The following CNTN5 variants were observed in gnomAD, a reference collection of about 807,000 sequenced individuals.
CNTN5 encodes contactin 5.
Under a neutral mutation model 129.1 loss-of-function variants are expected in CNTN5, and 77 were observed. The ratio of observed to expected loss-of-function variants is 0.60; its 90% confidence interval spans 0.50 to 0.72. The LOEUF (loss-of-function observed/expected upper bound fraction) is 0.72. CNTN5 is among the 30% of genes least tolerant of loss of function. The pLI is 0.00. For missense variants in CNTN5, 1,478 were observed against 1,328.8 expected (o/e 1.11, Z -1.75); for synonymous variants, 509 against 465.6 (o/e 1.09, Z -1.20).
rs192895753 is a variant in CNTN5 at position 99,858,520 on chromosome 11, G to A, written c.577+13258G>A. On this transcript the variant is annotated intron_variant, in intron 6 of 24. Coordinates refer to ENST00000524871, the MANE Select transcript of CNTN5 (RefSeq NM_014361.4). ...CTCTATTTCCTAAATTCCATTATAA[G>A]AATACTAACAGTTGCCAAAGCTATC... Among the ~76,000 whole-genome samples the A allele has an allele frequency of 2.1e-3, 317 of 151,750 alleles. 2 individuals carry two copies. The highest frequency in any genetic ancestry group is 3.5e-3 in the Non-Finnish European group (235 of 67,888).
chr11:99,707,790 T>A (rs1954816473), intron 3 of CNTN5, among the ~76,000 whole-genome samples: 1 of 151,654 alleles, frequency 6.6e-6, no homozygotes, highest in Admixed American at 6.6e-5. Context: ...TCCCATATAA[T>A]CTCTCAGCAA....
intron 24 of CNTN5, among the ~76,000 whole-genome samples, chr11:100,355,687 CCA>C (rs1325697048): frequency 6.6e-6 from 1 of 151,586 alleles, no homozygotes; most frequent in East Asian, 1.9e-4. Context: ...TCTCAGGGGG[CCA>C]CCATCAGATA....
At chr11:100,293,773 A>T (rs1016633331) in intron 18 of CNTN5, among the ~76,000 whole-genome samples, 3 of 151,764 alleles carry the variant, frequency 2.0e-5, no homozygotes, top group African/African-American at 7.2e-5. Flanking sequence ...CCGTTTGTAC[A>T]TACCACTTTA....
intron 2 of CNTN5, among the ~76,000 whole-genome samples, chr11:99,523,656 G>GAAT (rs1185288777): frequency 4.0e-4 from 13 of 32,628 alleles, no homozygotes; most frequent in East Asian, 1.9e-3. Flanking sequence ...GAATAGAACA[G>GAAT]AACAGATCAG....
At chr11:100,298,884 C>T (rs1406686209) in intron 19 of CNTN5, among the ~76,000 whole-genome samples, 11 of 151,468 alleles carry the variant, frequency 7.3e-5, no homozygotes, top group South Asian at 2.1e-4. Flanking sequence ...ATATACATGA[C>T]TAATTGGAGC....
intron 18 of CNTN5, among the ~76,000 whole-genome samples, chr11:100,291,593 C>G (rs552315471): frequency 1.6e-3 from 249 of 151,718 alleles, no homozygotes; most frequent in Non-Finnish European, 2.5e-3. Flanking sequence ...GAATATCACA[C>G]TCTGGGGACT....
At chr11:99,860,946 C>G (rs1401215087) in intron 6 of CNTN5, among the ~76,000 whole-genome samples, 3 of 125,054 alleles carry the variant, frequency 2.4e-5, no homozygotes, top group Non-Finnish European at 4.9e-5. Context: ...TGGAATATGT[C>G]TTCATTTTTT....
chr11:99,275,891 G>C (rs552063270), intron 1 of CNTN5, among the ~76,000 whole-genome samples: 5 of 151,706 alleles, frequency 3.3e-5, no homozygotes, highest in Admixed American at 2.0e-4. Context: ...GATGGGAGAT[G>C]CTGCAAAACC....
intron 3 of CNTN5, among the ~76,000 whole-genome samples, chr11:99,632,759 G>T (rs2135808218): frequency 6.6e-6 from 1 of 152,256 alleles, no homozygotes; most frequent in South Asian, 2.1e-4. Context: ...AAAAGTCTGA[G>T]ATGTTGTTTT....
chr11:99,785,537 C>T (rs1030938247), intron 3 of CNTN5, among the ~76,000 whole-genome samples: 1 of 151,934 alleles, frequency 6.6e-6, no homozygotes, highest in Non-Finnish European at 1.5e-5. Context: ...CTAGCAGAGA[C>T]CCAACAAAGA....
chr11:99,067,122 G>T (rs1865133831), intron 1 of CNTN5, among the ~76,000 whole-genome samples: 1 of 152,074 alleles, frequency 6.6e-6, no homozygotes, highest in Non-Finnish European at 1.5e-5. Flanking sequence ...CTTCACCAAG[G>T]ACACTGACTA....
At chr11:99,083,148 G>A (rs1367383330) in intron 1 of CNTN5, among the ~76,000 whole-genome samples, 4 of 152,068 alleles carry the variant, frequency 2.6e-5, no homozygotes, top group African/African-American at 9.7e-5. Flanking sequence ...CCTGCCACCT[G>A]TTTTTTCTTC....
chr11:99,490,174 TATTA>T (rs1945979817), intron 2 of CNTN5, among the ~76,000 whole-genome samples: 1 of 152,222 alleles, frequency 6.6e-6, no homozygotes, highest in South Asian at 2.1e-4. Flanking sequence ...CATTCTGTGA[TATTA>T]ATTAGTCTTA....
At chr11:99,526,148 T>C (rs547112632) in intron 2 of CNTN5, among the ~76,000 whole-genome samples, 5 of 152,218 alleles carry the variant, frequency 3.3e-5, no homozygotes, top group Non-Finnish European at 7.3e-5. Flanking sequence ...GATACCATAG[T>C]CTCTGGTTCT....
intron 2 of CNTN5, among the ~76,000 whole-genome samples, chr11:99,376,535 A>T (rs6590079): frequency 0.31 from 46,860 of 152,010 alleles, 8,705 homozygotes; most frequent in African/African-American, 0.53. Context: ...TTTGAAAGCA[A>T]GTTATCTCAG....
chr11:100,129,741 T>C (rs1467416337), intron 13 of CNTN5, among the ~76,000 whole-genome samples: 2 of 152,042 alleles, frequency 1.3e-5, no homozygotes, highest in African/African-American at 4.8e-5. Context: ...CCAAAGAAAA[T>C]ACCAGTTGTT....
At chr11:99,480,554 T>A (rs912212344) in intron 2 of CNTN5, among the ~76,000 whole-genome samples, 1 of 152,214 alleles carries the variant, frequency 6.6e-6, no homozygotes, top group African/African-American at 2.4e-5. Context: ...CATTTGCTAT[T>A]AATTTTACCT....
intron 3 of CNTN5, among the ~76,000 whole-genome samples, chr11:99,687,131 C>T (rs962853572): frequency 2.6e-5 from 4 of 151,854 alleles, no homozygotes; most frequent in South Asian, 2.1e-4. Context: ...AATGTACTTA[C>T]GTATCTACCA....
intron 2 of CNTN5, among the ~76,000 whole-genome samples, chr11:99,355,822 T>TTTTTTTTTTTTTG (rs1938613305): frequency 7.5e-6 from 1 of 133,090 alleles, no homozygotes; most frequent in Non-Finnish European, 1.6e-5. Flanking sequence ...TTTTTTTTTG[T>TTTTTTTTTTTTTG]TTTTTTTTTT....
Sources: allele counts gnomAD v4.1 joint callset (sites outside exome capture counted in the v4.1 genomes callset), GRCh38; gene constraint gnomAD v4.1.1; transcripts MANE v1.5; gene names NCBI Gene and HGNC (gene_info 2026-07-23, HGNC 2026-07-21).